The following EXOC4 variants were observed in gnomAD, a reference collection of about 807,000 sequenced individuals.
The protein encoded by EXOC4 is exocyst complex component 4.
Under a neutral mutation model 107.2 loss-of-function variants are expected in EXOC4, and 71 were observed. The ratio of observed to expected loss-of-function variants is 0.66; its 90% CI spans 0.55 to 0.81. The LOEUF is 0.81. Among genes scored for constraint, EXOC4 ranks in the 30% least tolerant of loss-of-function variants. The pLI, the probability that EXOC4 is intolerant of heterozygous loss-of-function variation, is 0.00. For missense variants in EXOC4, 1,108 were observed against 1,189.6 expected (o/e 0.93, Z 1.01); for synonymous variants, 456 against 441.2 (o/e 1.03, Z -0.42).
intron 9 of EXOC4, among the ~76,000 whole-genome samples, chr7:133,563,093 T>C (rs1800840060): frequency 6.6e-6 from 1 of 152,188 alleles, no homozygotes; most frequent in Admixed American, 6.5e-5. Context: ...CTGAGTGTTA[T>C]ATTTTAAACT....
intron 10 of EXOC4, among the ~76,000 whole-genome samples, chr7:133,741,182 T>G (rs1261516604): frequency 6.6e-6 from 1 of 152,162 alleles, no homozygotes; most frequent in African/African-American, 2.4e-5. Context: ...TACTCTTCAC[T>G]TTGTCTCCTA....
chr7:133,370,382 C>T (rs1199908572), intron 6 of EXOC4, among the ~76,000 whole-genome samples: 5 of 151,900 alleles, frequency 3.3e-5, no homozygotes, highest in Admixed American at 6.6e-5. Flanking sequence ...ACATTGGTTT[C>T]GTCCGGAAAG....
the EXOC4 span, among the ~76,000 whole-genome samples, chr7:134,078,457 G>A: frequency 6.6e-6 from 1 of 152,006 alleles, no homozygotes; most frequent in Non-Finnish European, 1.5e-5. Context: ...TTATCTCACT[G>A]GACCAGCCCC....
chr7:134,053,033 C>G (rs1795833311), intron 17 of EXOC4, among the ~76,000 whole-genome samples: 2 of 152,166 alleles, frequency 1.3e-5, no homozygotes, highest in South Asian at 4.1e-4. Context: ...CATGTATAGA[C>G]TATCAGCTGT....
At chr7:133,797,371 G>A (rs895019590) in intron 10 of EXOC4, among the ~76,000 whole-genome samples, 11 of 152,248 alleles carry the variant, frequency 7.2e-5, no homozygotes, top group African/African-American at 1.7e-4. Context: ...AAATTAAAGC[G>A]ATTCTGCCCA....
At chr7:133,258,528 TG>T (rs1460907867) in intron 1 of EXOC4, among the ~76,000 whole-genome samples, 7 of 152,206 alleles carry the variant, frequency 4.6e-5, no homozygotes, top group Non-Finnish European at 1.0e-4. Context: ...TGTGTTTTTT[TG>T]GAACATCACA....
At chr7:133,305,520 G>A (rs1406127143) in intron 3 of EXOC4, among the ~76,000 whole-genome samples, 1 of 152,132 alleles carries the variant, frequency 6.6e-6, no homozygotes, top group Non-Finnish European at 1.5e-5. Flanking sequence ...AGCTAACTTT[G>A]AGTAAAAGTT....
At chr7:133,479,635 A>G (rs564882636) in intron 8 of EXOC4, 1 of 187,164 alleles carries the variant, frequency 5.3e-6, no homozygotes, top group African/African-American at 2.3e-5. Context: ...CTGAGGAGCC[A>G]GTGTGTCTGT....
intron 10 of EXOC4, among the ~76,000 whole-genome samples, chr7:133,731,189 T>G (rs1795318501): frequency 6.6e-6 from 1 of 152,196 alleles, no homozygotes; most frequent in Non-Finnish European, 1.5e-5. Flanking sequence ...AATAATAAAA[T>G]GTAACATCAG....
At chr7:133,374,708 G>A (rs1357687240) in intron 6 of EXOC4, 120 bp from the exon 7 acceptor site, 8 of 773,740 alleles carry the variant, frequency 1.0e-5, no homozygotes, top group African/African-American at 5.2e-5. Flanking sequence ...GAAATCTAAC[G>A]TTAATGCTGT....
intron 11 of EXOC4, among the ~76,000 whole-genome samples, chr7:133,826,844 A>G (rs1290417604): frequency 2.0e-5 from 3 of 152,148 alleles, no homozygotes; most frequent in African/African-American, 7.2e-5. Context: ...AAAAATCAAG[A>G]AAAAAATGTC....
At chr7:133,574,646 A>G (rs80305547) in intron 9 of EXOC4, among the ~76,000 whole-genome samples, 21,978 of 152,138 alleles carry the variant, frequency 0.14, 2,014 homozygotes, top group South Asian at 0.22. Context: ...ACGAATGAAG[A>G]ATGAAGCTCG....
chr7:133,949,872 G>A (rs867294340), intron 14 of EXOC4, among the ~76,000 whole-genome samples: 8 of 140,270 alleles, frequency 5.7e-5, no homozygotes, highest in East Asian at 3.9e-4. Context: ...TTTAAGAAAC[G>A]CAAACTTGAT....
chr7:133,499,089 T>C (rs1427171384), intron 9 of EXOC4, among the ~76,000 whole-genome samples: 2 of 140,860 alleles, frequency 1.4e-5, no homozygotes, highest in African/African-American at 5.4e-5. Context: ...TCTTAACCAT[T>C]ATTTTCTTGG....
intron 10 of EXOC4, among the ~76,000 whole-genome samples, chr7:133,736,680 T>C (rs1430214243): frequency 1.3e-5 from 2 of 152,234 alleles, no homozygotes; most frequent in East Asian, 1.9e-4. Context: ...TCATTGTCTT[T>C]GTCCTCTTTT....
intron 10 of EXOC4, among the ~76,000 whole-genome samples, chr7:133,808,539 A>G (rs1797135128): frequency 6.6e-6 from 1 of 152,172 alleles, no homozygotes; most frequent in African/African-American, 2.4e-5. Context: ...CTTAAAAGTC[A>G]TACCTGAGAG....
At chr7:133,783,651 A>T in intron 10 of EXOC4, among the ~76,000 whole-genome samples, 1 of 152,172 alleles carries the variant, frequency 6.6e-6, no homozygotes, top group East Asian at 1.9e-4. Flanking sequence ...GTATGGGATC[A>T]TTGCTTGTTG....
At chr7:133,854,408 G>GCGCACACACACA (rs149648016) in intron 11 of EXOC4, among the ~76,000 whole-genome samples, 6 of 139,470 alleles carry the variant, frequency 4.3e-5, no homozygotes, top group African/African-American at 1.6e-4. Flanking sequence ...TGTTGAAAGA[G>GCGCACACACACA]CACACACACA....
intron 11 of EXOC4, among the ~76,000 whole-genome samples, chr7:133,881,766 C>G (rs1236315837): frequency 1.3e-5 from 2 of 152,196 alleles, no homozygotes; most frequent in African/African-American, 2.4e-5. Context: ...GAACAGTTTT[C>G]ATCTGGTAGT....
Sources: allele counts gnomAD v4.1 joint callset (sites outside exome capture counted in the v4.1 genomes callset), GRCh38; gene constraint gnomAD v4.1.1; transcripts MANE v1.5; gene names NCBI Gene and HGNC (gene_info 2026-07-23, HGNC 2026-07-21).